The following CEP57 variants were observed in gnomAD, a reference collection of about 807,000 sequenced individuals.
The protein encoded by CEP57 is centrosomal protein 57.
A neutral mutation model predicts 68.0 loss-of-function variants in CEP57; 40 were observed. The observed-to-expected ratio is 0.59, with a 90% CI of 0.46 to 0.77. CEP57 has a LOEUF of 0.77. Ranked by LOEUF, CEP57 falls within the 30% of genes least tolerant of loss-of-function variation. CEP57 has a pLI of 0.00. For synonymous variants in CEP57, 219 were observed against 198.7 expected, an observed-to-expected ratio of 1.10 and a Z score of -0.86; for missense variants, 606 against 580.7, an observed-to-expected ratio of 1.04 and a Z score of -0.45.
At chr11:95,823,907 C>T (rs1862621892) in intron 8 of CEP57, among the ~76,000 whole-genome samples, 2 of 151,902 alleles carry the variant, frequency 1.3e-5, no homozygotes, top group Admixed American at 6.6e-5. Context: ...TATCATGGGA[C>T]CCATATCAAG....
intron 2 of CEP57, among the ~76,000 whole-genome samples, chr11:95,809,077 G>C (rs533050048): frequency 4.6e-5 from 7 of 152,250 alleles, no homozygotes; most frequent in East Asian, 1.9e-4. Context: ...TACATGGAAA[G>C]TGAACAACCT....
At chr11:95,795,456 A>G in intron 1 of CEP57, 1 of 429,262 alleles carries the variant, frequency 2.3e-6, no homozygotes. Flanking sequence ...TAGTCATGAT[A>G]CGAAATTGGG....
At chr11:95,801,283 A>G (rs1861566293) in intron 2 of CEP57, among the ~76,000 whole-genome samples, 1 of 152,164 alleles carries the variant, frequency 6.6e-6, no homozygotes, top group East Asian at 1.9e-4. Context: ...CTCTGTAATC[A>G]CTAACCTAGA....
At chr11:95,791,111 A>C (rs1861041164) in intron 1 of CEP57, among the ~76,000 whole-genome samples, 1 of 152,194 alleles carries the variant, frequency 6.6e-6, no homozygotes, top group Non-Finnish European at 1.5e-5. Flanking sequence ...GAAACTCGCC[A>C]GATCAGGTGA....
intron 2 of CEP57, among the ~76,000 whole-genome samples, chr11:95,810,101 A>T (rs988734551): frequency 6.6e-6 from 1 of 152,208 alleles, no homozygotes; most frequent in Non-Finnish European, 1.5e-5. Context: ...GACAGAAACC[A>T]CATGATTATC....
At position 95,813,667 on chromosome 11, in the gene CEP57, C is replaced by T. The variant is rs1301069499; in HGVS notation, c.504+78C>T. The T allele has an allele frequency of 1.4e-5, 22 of 1,556,236 alleles. No individual in the cohort carries two copies. In the Admixed American group the frequency reaches 2.0e-4, roughly 14 times the overall value. On this transcript the variant is annotated intron_variant, in intron 4 of 10. Coordinates refer to ENST00000325542, the MANE Select transcript of CEP57 (RefSeq NM_014679.5). Reference sequence around the variant, plus strand: ...AATTGAATAAAGACTTTTTTTCTTTCGGTGAGGATTAATGGTGCTGTTACA... The same window carrying T: ...AATTGAATAAAGACTTTTTTTCTTTTGGTGAGGATTAATGGTGCTGTTACA...
intron 4 of CEP57, 40 bp downstream of exon 4, chr11:95,813,629 TA>T: frequency 1.2e-6 from 2 of 1,609,510 alleles, no homozygotes; most frequent in South Asian, 2.2e-5. Flanking sequence ...CAAGAACAGT[TA>T]TGGGGAAAAC....
At position 95,818,909 on chromosome 11, in the gene CEP57, G is replaced by C; in HGVS notation, c.699+5G>C. 6.2e-7 allele frequency: 1 copy of C among 1,611,448 alleles called. No individual in the cohort carries two copies. The highest frequency in any genetic ancestry group is 1.7e-5 in the Admixed American group (1 of 60,016). Reference sequence around the variant, plus strand: ...ATGCAAGCTAAGGCAGCTGAGGTAAGTTAAAATGTGAGAAAGTGGGCTCTT... The same window carrying C: ...ATGCAAGCTAAGGCAGCTGAGGTAACTTAAAATGTGAGAAAGTGGGCTCTT... On this transcript the variant is annotated splice_donor_5th_base_variant and intron_variant, in intron 6 of 10. Transcript: ENST00000325542.
chr11:95,798,553 C>G (rs1006586980), intron 1 of CEP57, among the ~76,000 whole-genome samples: 1 of 152,122 alleles, frequency 6.6e-6, no homozygotes, highest in Non-Finnish European at 1.5e-5. Flanking sequence ...GTTACTTCCC[C>G]CAGTCTAGGA....
chr11:95,802,358 A>C (rs2135273106), intron 2 of CEP57, among the ~76,000 whole-genome samples: 1 of 151,268 alleles, frequency 6.6e-6, no homozygotes, highest in Admixed American at 6.6e-5. Flanking sequence ...AGGTTCAAGC[A>C]ATTCTCCTGC....
At chr11:95,828,694 C>A (rs1043851205) in intron 9 of CEP57, among the ~76,000 whole-genome samples, 2 of 152,130 alleles carry the variant, frequency 1.3e-5, no homozygotes, top group African/African-American at 4.8e-5. Context: ...AAAGAATTAA[C>A]CTTGAAATTA....
chr11:95,822,611 A>G (rs747587524), intron 8 of CEP57, 35 bp downstream of exon 8: 6 of 1,526,034 alleles, frequency 3.9e-6, no homozygotes, highest in Non-Finnish European at 5.5e-6. Context: ...TTTTTATACA[A>G]CATTGATCCC....
chr11:95,813,238 C>T (rs934460203), intron 3 of CEP57, 127 bp downstream of exon 3: 2 of 1,094,326 alleles, frequency 1.8e-6, no homozygotes, highest in Non-Finnish European at 2.7e-6. Context: ...GCATTGTATT[C>T]TGGTGCATTT....
At chr11:95,806,627 G>A (rs559286136) in intron 2 of CEP57, among the ~76,000 whole-genome samples, 64 of 152,304 alleles carry the variant, frequency 4.2e-4, no homozygotes, top group Non-Finnish European at 8.2e-4. Flanking sequence ...CTCACTGCTA[G>A]CACAGCAGTC....
At chr11:95,830,362 A>G (rs1249123790) in intron 10 of CEP57, among the ~76,000 whole-genome samples, 1 of 152,184 alleles carries the variant, frequency 6.6e-6, no homozygotes, top group Non-Finnish European at 1.5e-5. Context: ...AATACAAGCA[A>G]ATTATTCCTG....
chr11:95,824,409 CTA>C (rs1862652824), intron 8 of CEP57, among the ~76,000 whole-genome samples: 1 of 81,366 alleles, frequency 1.2e-5, no homozygotes, highest in African/African-American at 3.1e-5. Context: ...CTTGTAGACT[CTA>C]ATATGATTTG....
At chr11:95,813,397 T>G in intron 3 of CEP57, 71 bp from the exon 4 acceptor site, 5 of 1,562,606 alleles carry the variant, frequency 3.2e-6, no homozygotes, top group Non-Finnish European at 4.4e-6. Context: ...TAGATCCAAT[T>G]CCTGTTAACA....
In CEP57 at chr11:95,790,585, C is replaced by A; in HGVS notation, c.-114C>A. On this transcript the variant is annotated 5_prime_UTR_variant, in exon 1 of 11. Transcript: ENST00000325542. Reference sequence around the variant, plus strand: ...CCAGCACCAGCACCCTTGCCCTTTTCCATCAGGGGTTCAGCCTAGGGTCCC... The same window carrying A: ...CCAGCACCAGCACCCTTGCCCTTTTACATCAGGGGTTCAGCCTAGGGTCCC... 3 of 1,305,540 alleles carry A rather than the reference C, an allele frequency of 2.3e-6. No homozygotes were observed. The highest frequency in any genetic ancestry group is 2.2e-6 in the Non-Finnish European group (2 of 925,002). The allele number at this position is 1,305,540 out of a possible 1,614,324, so 80.9% of individuals were successfully genotyped here.
intron 6 of CEP57, 35 bp from the exon 7 acceptor site, chr11:95,821,836 C>A: frequency 2.1e-6 from 3 of 1,410,254 alleles, no homozygotes; most frequent in South Asian, 2.3e-5. Context: ...GCTTTTATTT[C>A]TACAGCATTA....
Sources: allele counts gnomAD v4.1 joint callset (sites outside exome capture counted in the v4.1 genomes callset), GRCh38; gene constraint gnomAD v4.1.1; transcripts MANE v1.5; gene names NCBI Gene and HGNC (gene_info 2026-07-23, HGNC 2026-07-21).